SCAPER: variants seen among roughly 807,000 people sequenced by gnomAD.
SCAPER encodes S-phase cyclin A associated protein in the ER, also known as S phase cyclin A-associated protein in the endoplasmic reticulum.
SCAPER carries 98 observed loss-of-function variants against 182.2 expected under a neutral mutation model. The observed-to-expected ratio is 0.54, with a 90% CI of 0.46 to 0.64. SCAPER has a LOEUF of 0.64. SCAPER is among the 30% of genes least tolerant of loss of function. The pLI is 0.00. For synonymous variants in SCAPER, 605 were observed against 564.6 expected, an observed-to-expected ratio of 1.07 and a Z score of -1.01; for missense variants, 1,432 against 1,690.0, an observed-to-expected ratio of 0.85 and a Z score of 2.68.
chr15:76,402,537 T>C (rs2044538390), intron 27 of SCAPER, among the ~76,000 whole-genome samples: 1 of 152,166 alleles, frequency 6.6e-6, no homozygotes, highest in Non-Finnish European at 1.5e-5. Flanking sequence ...GTAAGTGCTT[T>C]ACTTCCTTTT....
chr15:76,801,840 T>C (rs1057281362), intron 6 of SCAPER, among the ~76,000 whole-genome samples: 1 of 149,518 alleles, frequency 6.7e-6, no homozygotes, highest in African/African-American at 2.5e-5. Context: ...AAGTGGAAGG[T>C]GGAGGTTGCA....
chr15:76,722,298 G>A (rs1194952572), intron 17 of SCAPER, among the ~76,000 whole-genome samples: 6 of 152,156 alleles, frequency 3.9e-5, no homozygotes, highest in African/African-American at 1.4e-4. Context: ...TGGTGGATAA[G>A]CTTTTCGATG....
chr15:76,642,600 A>C (rs2146398889), intron 21 of SCAPER, among the ~76,000 whole-genome samples: 1 of 152,298 alleles, frequency 6.6e-6, no homozygotes, highest in Non-Finnish European at 1.5e-5. Flanking sequence ...CCATGTTCTC[A>C]ACCTTCTAAT....
intron 27 of SCAPER, among the ~76,000 whole-genome samples, chr15:76,400,377 C>T (rs1291126803): frequency 2.0e-5 from 3 of 152,228 alleles, no homozygotes; most frequent in African/African-American, 7.2e-5. Context: ...TACCTTTCCT[C>T]TTAGACATGG....
At chr15:76,765,185 A>G (rs2063036344) in intron 13 of SCAPER, 113 bp from the exon 14 acceptor site, 1 of 1,045,048 alleles carries the variant, frequency 9.6e-7, no homozygotes, top group Admixed American at 2.8e-5. Flanking sequence ...TTTTGGCCCA[A>G]CATTTCGGGA....
At chr15:76,829,586 T>C (rs950282954) in intron 5 of SCAPER, among the ~76,000 whole-genome samples, 1 of 152,078 alleles carries the variant, frequency 6.6e-6, no homozygotes, top group Non-Finnish European at 1.5e-5. Flanking sequence ...CCTCTTCAAC[T>C]CCTTTTACTC....
chr15:76,524,429 T>C (rs538651851), intron 23 of SCAPER, among the ~76,000 whole-genome samples: 1 of 152,270 alleles, frequency 6.6e-6, no homozygotes, highest in East Asian at 1.9e-4. Context: ...AGATCATTAC[T>C]TCTGGGAAAA....
intron 8 of SCAPER, among the ~76,000 whole-genome samples, chr15:76,784,343 T>C (rs1182919088): frequency 6.6e-6 from 1 of 152,182 alleles, no homozygotes; most frequent in Admixed American, 6.5e-5. Context: ...GTGAAGGATC[T>C]CTTCAAGGAG....
At position 76,477,074 on chromosome 15, in the gene SCAPER, A is replaced by G. The variant is rs141046155; in HGVS notation, c.2955-5739T>C. Among the ~76,000 whole-genome samples, 6 of 152,322 alleles carry G rather than the reference A, an allele frequency of 3.9e-5. No homozygotes were observed. In the East Asian group the frequency reaches 1.2e-3, roughly 29 times the overall value. ...ACTTAGGTGTTGAAGTTACACTTCC[A>G]GAACTAATATCCAAAGAACACAACA... is the stretch of plus-strand genomic sequence containing the variant. On this transcript the variant is annotated intron_variant, in intron 24 of 31. Coordinates refer to ENST00000563290, the MANE Select transcript of SCAPER (RefSeq NM_020843.4).
intron 15 of SCAPER, among the ~76,000 whole-genome samples, chr15:76,742,355 C>A (rs1200092308): frequency 1.5e-5 from 2 of 134,168 alleles, no homozygotes; most frequent in Non-Finnish European, 3.2e-5. Flanking sequence ...AGGAAGAAAG[C>A]AAAGGACCAG....
intron 23 of SCAPER, among the ~76,000 whole-genome samples, chr15:76,506,416 G>GA (rs796360032): frequency 3.4e-5 from 5 of 149,204 alleles, no homozygotes; most frequent in Admixed American, 1.3e-4. Context: ...TTAAAAATTA[G>GA]AAAAAAAAAT....
chr15:76,450,646 C>T (rs1317860867), intron 25 of SCAPER, among the ~76,000 whole-genome samples: 2 of 152,196 alleles, frequency 1.3e-5, no homozygotes, highest in Non-Finnish European at 2.9e-5. Flanking sequence ...CTCCACCTCC[C>T]TGGTTCAAAC....
chr15:76,862,664 TAAAC>T (rs1441137561), intron 2 of SCAPER, 131 bp from the exon 3 acceptor site: 1 of 517,742 alleles, frequency 1.9e-6, no homozygotes, highest in Non-Finnish European at 3.3e-6. Context: ...GGTGGGTGGT[TAAAC>T]AGAGAAAAGG....
At chr15:76,671,695 G>T (rs921289087) in intron 20 of SCAPER, among the ~76,000 whole-genome samples, 1 of 151,914 alleles carries the variant, frequency 6.6e-6, no homozygotes, top group Admixed American at 6.6e-5. Flanking sequence ...GTGTGAACCC[G>T]GGAGGCGGAG....
At chr15:76,403,743 T>G (rs1157435564) in intron 27 of SCAPER, among the ~76,000 whole-genome samples, 3 of 152,178 alleles carry the variant, frequency 2.0e-5, no homozygotes, top group Non-Finnish European at 4.4e-5. Context: ...TGATTGAACA[T>G]CCTCGATATG....
chr15:76,739,002 G>A (rs973394858), intron 15 of SCAPER, among the ~76,000 whole-genome samples: 4 of 152,280 alleles, frequency 2.6e-5, no homozygotes, highest in Admixed American at 2.6e-4. Flanking sequence ...ATGCATGCCT[G>A]TACAGACATT....
chr15:76,523,823 C>T (rs1419724642), intron 23 of SCAPER, among the ~76,000 whole-genome samples: 1 of 152,008 alleles, frequency 6.6e-6, no homozygotes, highest in Non-Finnish European at 1.5e-5. Context: ...ATTTCAAAGT[C>T]CCAGTCAGTA....
chr15:76,791,349 A>G (rs117006840), intron 8 of SCAPER, among the ~76,000 whole-genome samples: 4,569 of 152,340 alleles, frequency 0.03, 92 homozygotes, highest in Non-Finnish European at 0.047. Context: ...ATTGAAAAGC[A>G]GCCGATGTGG....
At chr15:76,807,021 CTTCCT>C (rs1221674139) in intron 5 of SCAPER, among the ~76,000 whole-genome samples, 2 of 152,154 alleles carry the variant, frequency 1.3e-5, no homozygotes, top group Non-Finnish European at 2.9e-5. Flanking sequence ...AGTTTTACTT[CTTCCT>C]TTCCATCTAG....
Sources: gnomAD v4.1 joint callset for allele counts (sites outside exome capture counted in the v4.1 genomes callset) on GRCh38, gnomAD v4.1.1 for gene constraint, MANE v1.5 for transcripts, NCBI Gene and HGNC (gene_info 2026-07-23, HGNC 2026-07-21) for gene names.